RIMS1: variants seen among roughly 807,000 people sequenced by gnomAD.
The protein encoded by RIMS1 is regulating synaptic membrane exocytosis 1.
In RIMS1, 83 loss-of-function variants were observed where a neutral mutation model predicts 214.1. That is an observed-to-expected ratio of 0.39 (90% CI 0.32 to 0.47). RIMS1 has a LOEUF of 0.47. Ranked by LOEUF, RIMS1 falls within the 20% of genes least tolerant of loss-of-function variation. The probability of loss-of-function intolerance (pLI) is 0.99; values close to 1 mark genes in which losing one functional copy is unlikely to be tolerated. For synonymous variants in RIMS1, 793 were observed against 786.8 expected (o/e 1.01, Z -0.13); for missense variants, 2,050 against 2,161.8 (o/e 0.95, Z 1.03).
intron 23 of RIMS1, among the ~76,000 whole-genome samples, chr6:72,281,406 A>G (rs1331790972): frequency 1.3e-5 from 2 of 152,162 alleles, no homozygotes; most frequent in Non-Finnish European, 2.9e-5. Flanking sequence ...AATCCATTAC[A>G]TTTTAGGAGA....
intron 4 of RIMS1, among the ~76,000 whole-genome samples, chr6:72,122,207 C>CT (rs34948011): frequency 0.53 from 72,257 of 135,926 alleles, 20,536 homozygotes; most frequent in East Asian, 0.76. Context: ...TTCCTTTTTT[C>CT]TTTTTTTTTT....
intron 1 of RIMS1, among the ~76,000 whole-genome samples, chr6:71,918,941 T>C (rs1779208399): frequency 6.6e-6 from 1 of 152,114 alleles, no homozygotes; most frequent in Non-Finnish European, 1.5e-5. Context: ...TGTAGTCAGA[T>C]AGAAGGATAC....
chr6:72,388,374 A>T (rs1172877683), intron 29 of RIMS1, among the ~76,000 whole-genome samples: 1 of 152,210 alleles, frequency 6.6e-6, no homozygotes, highest in African/African-American at 2.4e-5. Context: ...ATCATATGGA[A>T]TGAGGGGCAG....
chr6:72,382,919 C>A (rs1222733810), intron 29 of RIMS1, among the ~76,000 whole-genome samples: 1 of 152,190 alleles, frequency 6.6e-6, no homozygotes, highest in Non-Finnish European at 1.5e-5. Flanking sequence ...ATACTGTCTG[C>A]TTTTACACAG....
chr6:72,301,356 TG>T (rs2094583964), intron 26 of RIMS1, among the ~76,000 whole-genome samples: 1 of 151,656 alleles, frequency 6.6e-6, no homozygotes, highest in Non-Finnish European at 1.5e-5. Flanking sequence ...ATGTAGAAGT[TG>T]GATATGCACT....
intron 1 of RIMS1, among the ~76,000 whole-genome samples, chr6:71,891,356 T>A (rs1213816600): frequency 3.9e-5 from 6 of 152,262 alleles, no homozygotes. Flanking sequence ...GAGTATTGAC[T>A]TTGGGCTTCT....
intron 4 of RIMS1, among the ~76,000 whole-genome samples, chr6:72,123,616 T>C (rs1318168086): frequency 6.6e-6 from 1 of 151,868 alleles, no homozygotes; most frequent in Non-Finnish European, 1.5e-5. Flanking sequence ...TAAGTCTCTT[T>C]GTAGGTCTCT....
chr6:72,250,830 A>C (rs2072974513), intron 13 of RIMS1, 91 bp from the exon 14 acceptor site: 5 of 675,702 alleles, frequency 7.4e-6, no homozygotes, highest in Non-Finnish European at 1.2e-5. Context: ...TAGTTAAAAT[A>C]ATATAAATAT....
chr6:71,991,740 A>G (rs1477396588), intron 2 of RIMS1, among the ~76,000 whole-genome samples: 1 of 152,200 alleles, frequency 6.6e-6, no homozygotes, highest in Non-Finnish European at 1.5e-5. Context: ...TTACTTATTT[A>G]AAAAATTACT....
At chr6:72,123,950 T>C (rs1186632846) in intron 4 of RIMS1, among the ~76,000 whole-genome samples, 1 of 151,900 alleles carries the variant, frequency 6.6e-6, no homozygotes, top group Admixed American at 6.6e-5. Flanking sequence ...TGTCTTTTAA[T>C]TGGAGCATTT....
chr6:72,398,529 T>C (rs1478627172), intron 32 of RIMS1, among the ~76,000 whole-genome samples, 179 bp downstream of exon 32: 1 of 152,250 alleles, frequency 6.6e-6, no homozygotes, highest in Non-Finnish European at 1.5e-5. Flanking sequence ...TGCACAGTTA[T>C]TCTTTCAGAA....
chr6:72,313,498 A>T lies in RIMS1; in HGVS notation c.3964-8A>T. 6.2e-7 allele frequency: 1 copy of T among 1,611,114 alleles called. No individual in the cohort carries two copies. Among genetic ancestry groups the T allele is most frequent in the Non-Finnish European group, 8.5e-7 (1 of 1,178,330 alleles). ...TGGAGCTCACACTTTCTTGTTTTTA[A>T]TCTTTAGTATAACATACATAAAGAT... On this transcript the variant is annotated splice_polypyrimidine_tract_variant and splice_region_variant and intron_variant, in intron 27 of 33. Coordinates refer to ENST00000521978, the MANE Select transcript of RIMS1 (RefSeq NM_014989.7).
chr6:72,360,168 C>T lies in RIMS1; in HGVS notation c.4366+26333C>T, dbSNP rs564922966. 5.3e-5 allele frequency among the ~76,000 whole-genome samples: 8 copies of T among 152,316 alleles called. No individual in the cohort carries two copies. In the South Asian group the frequency reaches 1.7e-3, roughly 32 times the overall value. On this transcript the variant is annotated intron_variant, in intron 29 of 33. Coordinates refer to ENST00000521978, the MANE Select transcript of RIMS1 (RefSeq NM_014989.7). ...TAGTTTCTGCTTACTCACTGAGTGACTCCTGCATTTCATCCCTTCCTCACC... is the reference window on the plus strand; with the variant it reads ...TAGTTTCTGCTTACTCACTGAGTGATTCCTGCATTTCATCCCTTCCTCACC...
intron 23 of RIMS1, among the ~76,000 whole-genome samples, chr6:72,281,490 G>A (rs2090083880): frequency 6.6e-6 from 1 of 152,026 alleles, no homozygotes; most frequent in Non-Finnish European, 1.5e-5. Flanking sequence ...ATTAATAGAA[G>A]TTGCCAGGGA....
At chr6:72,353,677 T>G (rs1411605114) in intron 29 of RIMS1, among the ~76,000 whole-genome samples, 1 of 152,148 alleles carries the variant, frequency 6.6e-6, no homozygotes, top group African/African-American at 2.4e-5. Flanking sequence ...AAAGCACACA[T>G]TATTTTGCTC....
chr6:72,098,702 T>C (rs1253068424), intron 3 of RIMS1, among the ~76,000 whole-genome samples: 2 of 152,204 alleles, frequency 1.3e-5, no homozygotes, highest in East Asian at 3.8e-4. Context: ...ATAGTAATAT[T>C]TACCTTGTAT....
chr6:71,999,843 C>T (rs1033459584), intron 2 of RIMS1, among the ~76,000 whole-genome samples: 5 of 152,004 alleles, frequency 3.3e-5, no homozygotes, highest in Non-Finnish European at 7.4e-5. Flanking sequence ...TCCAGCCTAT[C>T]GTTCTCATAA....
rs531884191 is a variant in RIMS1 at position 72,032,698 on chromosome 6, T to A, written c.245+63635T>A. Reference sequence around the variant, plus strand: ...GGAAGCAGACCACGGAAGAGTGGTATCTGAATAAAAGATCTTGTATGTAAA... The same window carrying A: ...GGAAGCAGACCACGGAAGAGTGGTAACTGAATAAAAGATCTTGTATGTAAA... On this transcript the variant is annotated intron_variant, in intron 2 of 33. Coordinates refer to ENST00000521978, the MANE Select transcript of RIMS1 (RefSeq NM_014989.7). Among the ~76,000 whole-genome samples the A allele has an allele frequency of 2.6e-5, 4 of 152,318 alleles. No individual in the cohort carries two copies. The South Asian group carries it at 8.3e-4, about 32-fold the overall frequency.
chr6:71,903,145 C>T (rs1011903538), intron 1 of RIMS1, among the ~76,000 whole-genome samples: 2 of 152,136 alleles, frequency 1.3e-5, no homozygotes, highest in African/African-American at 4.8e-5. Flanking sequence ...TTCCCACCAA[C>T]AGTGTAGAAG....
Sources: gnomAD v4.1 joint callset for allele counts (sites outside exome capture counted in the v4.1 genomes callset) on GRCh38, gnomAD v4.1.1 for gene constraint, MANE v1.5 for transcripts, NCBI Gene and HGNC (gene_info 2026-07-23, HGNC 2026-07-21) for gene names.